Variants in ABLIM1 observed in about 807,000 individuals in gnomAD.
ABLIM1 encodes actin-binding LIM protein 1.
ABLIM1 carries 40 observed loss-of-function variants against 107.0 expected under a neutral mutation model. The observed-to-expected ratio is 0.37, with a 90% CI of 0.29 to 0.49. ABLIM1 has a LOEUF of 0.49. Among genes scored for constraint, ABLIM1 ranks in the 20% least tolerant of loss-of-function variants. The pLI is 0.97. For synonymous variants in ABLIM1, 357 were observed against 357.3 expected, an observed-to-expected ratio of 1.00 and a Z score of 0.01; for missense variants, 857 against 1,008.5, an observed-to-expected ratio of 0.85 and a Z score of 2.04.
chr10:114,636,243 G>A (rs1267857888), intron 1 of ABLIM1, among the ~76,000 whole-genome samples: 1 of 152,190 alleles, frequency 6.6e-6, no homozygotes, highest in Non-Finnish European at 1.5e-5. Flanking sequence ...AGGGCAAGAA[G>A]GCATCCAGTA....
intron 8 of ABLIM1, among the ~76,000 whole-genome samples, chr10:114,475,486 GTT>G (rs1406899716): frequency 6.6e-6 from 1 of 152,132 alleles, no homozygotes; most frequent in Admixed American, 6.6e-5. Flanking sequence ...CCCTCATAGA[GTT>G]TATTTTTTAA....
Position 114,575,509 on chromosome 10 carries a change from C to G in ABLIM1, c.470G>C (p.Arg157Pro), listed in dbSNP as rs202220476. Residue 157 changes from arginine to proline, a missense_variant, in exon 3 of 23, where the codon CGC (arginine) becomes CCC (proline). Arg to Pro is a moderately radical substitution (Grantham distance 103). Around this residue, in one of 5 missense-constraint regions of ABLIM1, gnomAD observed 381 missense variants for 506.9 expected, o/e 0.75. Coordinates refer to ENST00000533213, the MANE Select transcript of ABLIM1 (RefSeq NM_002313.7). ...CACGAACTCCCCACAGCCATGGCAGCGTGTCCCGTACATCCGCTGGTAGTC... is the reference window on the plus strand; with the variant it reads ...CACGAACTCCCCACAGCCATGGCAGGGTGTCCCGTACATCCGCTGGTAGTC... The part of the protein sequence containing the change: ...TLDYQRMYGT[R>P]CHGCGEFVEG... 6.2e-7 allele frequency: 1 copy of G among 1,614,218 alleles called. No individual in the cohort carries two copies. Among genetic ancestry groups the G allele is most frequent in the East Asian group, 2.2e-5 (1 of 44,884 alleles).
At chr10:114,546,038 A>T (rs1056258606) in intron 5 of ABLIM1, among the ~76,000 whole-genome samples, 8 of 151,492 alleles carry the variant, frequency 5.3e-5, no homozygotes, top group African/African-American at 1.9e-4. Flanking sequence ...GCCTCTGAAC[A>T]GCCTGCAGAC....
chr10:114,761,116 C>T (rs1363185324), intron 1 of ABLIM1, among the ~76,000 whole-genome samples: 1 of 152,026 alleles, frequency 6.6e-6, no homozygotes, highest in African/African-American at 2.4e-5. Context: ...ATGAAAGAAA[C>T]CGATAAAGCT....
intron 1 of ABLIM1, among the ~76,000 whole-genome samples, chr10:114,638,175 GAATA>G (rs1324876933): frequency 2.0e-5 from 3 of 152,134 alleles, no homozygotes; most frequent in Non-Finnish European, 2.9e-5. Context: ...AATATTTGAT[GAATA>G]AATAAATATT....
At chr10:114,570,085 C>T (rs547618920) in intron 4 of ABLIM1, among the ~76,000 whole-genome samples, 3 of 152,270 alleles carry the variant, frequency 2.0e-5, no homozygotes, top group East Asian at 1.9e-4. Flanking sequence ...CTCATCCTTA[C>T]GTATTAAGAC....
intron 1 of ABLIM1, among the ~76,000 whole-genome samples, chr10:114,693,287 T>C (rs150854201): frequency 1.1e-3 from 169 of 152,238 alleles, no homozygotes; most frequent in Non-Finnish European, 2.0e-3. Flanking sequence ...GAAGAAAGGG[T>C]TCCATAGCTA....
chr10:114,503,950 C>A (rs530668051), intron 6 of ABLIM1, among the ~76,000 whole-genome samples: 14 of 152,238 alleles, frequency 9.2e-5, no homozygotes, highest in African/African-American at 3.4e-4. Flanking sequence ...ATGCGAATAA[C>A]CTCCATATTT....
chr10:114,688,663 T>A (rs1005295649), upstream of ABLIM1, among the ~76,000 whole-genome samples: 9 of 152,168 alleles, frequency 5.9e-5, no homozygotes, highest in African/African-American at 2.2e-4. Flanking sequence ...AGTTGAGAAG[T>A]TAAAGAAATT....
At chr10:114,450,107 TAAC>T in intron 14 of ABLIM1, 1 of 399,684 alleles carries the variant, frequency 2.5e-6, no homozygotes, top group Non-Finnish European at 5.0e-6. Context: ...ATTCTTAAAT[TAAC>T]AACAAAAGGA....
chr10:114,612,690 T>C lies in ABLIM1; in HGVS notation c.245-10729A>G, dbSNP rs185523654. Among the ~76,000 whole-genome samples the C allele has an allele frequency of 8.9e-4, 135 of 152,322 alleles. 3 individuals carry two copies. Among genetic ancestry groups the C allele is most frequent in the Admixed American group, 7.4e-3 (113 of 15,298 alleles). ...TTAGAAATGAATCCAGTCTAACAAA[T>C]GGGCATTGGCTTCAGTCTAAACTCT... On this transcript the variant is annotated intron_variant, in intron 1 of 22. Coordinates refer to ENST00000533213, the MANE Select transcript of ABLIM1 (RefSeq NM_002313.7).
intron 4 of ABLIM1, among the ~76,000 whole-genome samples, chr10:114,553,406 A>G (rs2068323619): frequency 6.6e-6 from 1 of 152,224 alleles, no homozygotes; most frequent in African/African-American, 2.4e-5. Context: ...GATGGGGAGA[A>G]GTATCCCATC....
Position 114,479,700 on chromosome 10 carries a change from T to C in ABLIM1, c.1042-5744A>G, listed in dbSNP as rs1236616209. Among the ~76,000 whole-genome samples the C allele has an allele frequency of 5.9e-5, 9 of 152,360 alleles. No homozygotes were observed. In the East Asian group the frequency reaches 1.7e-3, roughly 29 times the overall value. Reference sequence around the variant, plus strand: ...GTCCCTAATGTCTCTCAGAGTGTATTTGCTCAACTGCGGGAGGTTAGAGGT... The same window carrying C: ...GTCCCTAATGTCTCTCAGAGTGTATCTGCTCAACTGCGGGAGGTTAGAGGT... On this transcript the variant is annotated intron_variant, in intron 8 of 22. Transcript: ENST00000533213.
At chr10:114,514,178 C>T (rs551029636) in intron 6 of ABLIM1, among the ~76,000 whole-genome samples, 55 of 152,062 alleles carry the variant, frequency 3.6e-4, no homozygotes, top group African/African-American at 1.3e-3. Flanking sequence ...AATCCTAACA[C>T]TTTGGAAGGC....
chr10:114,648,286 T>A (rs1281837721), intron 1 of ABLIM1, among the ~76,000 whole-genome samples: 2 of 152,142 alleles, frequency 1.3e-5, no homozygotes, highest in African/African-American at 4.8e-5. Flanking sequence ...CAAATGACCA[T>A]CGGCTGACGA....
the ABLIM1 span, among the ~76,000 whole-genome samples, chr10:114,793,581 C>T: frequency 6.6e-6 from 1 of 152,108 alleles, no homozygotes; most frequent in Non-Finnish European, 1.5e-5. Context: ...TGACAGTGGC[C>T]CCAGCTCCTG....
intron 11 of ABLIM1, 121 bp downstream of exon 11, chr10:114,468,060 C>A: frequency 1.2e-6 from 1 of 856,862 alleles, no homozygotes. Flanking sequence ...CACCATAACC[C>A]CACATGCAGT....
At chr10:114,649,270 G>A (rs1049234327) in intron 1 of ABLIM1, among the ~76,000 whole-genome samples, 3 of 151,856 alleles carry the variant, frequency 2.0e-5, no homozygotes, top group African/African-American at 7.3e-5. Context: ...GCATGGTGGT[G>A]CATGCCTGTA....
At chr10:114,493,392 A>T (rs538577793) in intron 6 of ABLIM1, among the ~76,000 whole-genome samples, 9 of 152,354 alleles carry the variant, frequency 5.9e-5, no homozygotes, top group Admixed American at 4.6e-4. Context: ...GGTAAGCTAC[A>T]AATAGAAAGA....
Sources: gnomAD v4.1 joint callset for allele counts (sites outside exome capture counted in the v4.1 genomes callset) on GRCh38, gnomAD v4.1.1 for gene constraint, gnomAD v4.1.1 regional missense constraint, MANE v1.5 for transcripts, NCBI Gene and HGNC (gene_info 2026-07-23, HGNC 2026-07-21) for gene names.